Variants in MALRD1 observed in about 807,000 individuals in gnomAD.
The protein encoded by MALRD1 is MAM and LDL-receptor class A domain-containing protein 1.
In MALRD1, 247 loss-of-function variants were observed where a neutral mutation model predicts 242.1. That is an observed-to-expected ratio of 1.02 (90% CI 0.92 to 1.13). The LOEUF (loss-of-function observed/expected upper bound fraction) is 1.13. Ranked by LOEUF, MALRD1 falls within the 50% of genes most tolerant of loss-of-function variation. The pLI is 0.00. For missense variants in MALRD1, 2,989 were observed against 2,533.1 expected, an observed-to-expected ratio of 1.18 and a Z score of -3.86; for synonymous variants, 995 against 866.6, an observed-to-expected ratio of 1.15 and a Z score of -2.60.
chr10:19,725,744 A>G (rs1426166913), intron 38 of MALRD1, among the ~76,000 whole-genome samples: 2 of 152,238 alleles, frequency 1.3e-5, no homozygotes, highest in Admixed American at 6.5e-5. Context: ...GAACAGACAT[A>G]TAGATCAATT....
At chr10:19,272,088 A>G (rs1025498707) in intron 19 of MALRD1, among the ~76,000 whole-genome samples, 22 of 152,134 alleles carry the variant, frequency 1.4e-4, no homozygotes, top group Middle Eastern at 3.2e-3. Context: ...GGCTATTTAT[A>G]TAAATTAGAT....
chr10:19,094,509 T>C (rs371481581), intron 4 of MALRD1, among the ~76,000 whole-genome samples: 2 of 150,474 alleles, frequency 1.3e-5, no homozygotes, highest in Non-Finnish European at 3.0e-5. Context: ...CCTAGTGAGA[T>C]GAACCCGGTA....
chr10:19,064,253 C>T (rs1685307028), intron 1 of MALRD1, among the ~76,000 whole-genome samples: 1 of 152,132 alleles, frequency 6.6e-6, no homozygotes, highest in Non-Finnish European at 1.5e-5. Context: ...TTATATTGTC[C>T]AACTGTGGCG....
At chr10:19,419,377 C>T (rs189260577) in intron 28 of MALRD1, among the ~76,000 whole-genome samples, 1 of 152,294 alleles carries the variant, frequency 6.6e-6, no homozygotes, top group East Asian at 1.9e-4. Flanking sequence ...TCACTGTAAC[C>T]TCCACCTCCC....
intron 29 of MALRD1, among the ~76,000 whole-genome samples, chr10:19,455,379 A>G (rs1464762889): frequency 6.6e-6 from 1 of 152,222 alleles, no homozygotes; most frequent in East Asian, 1.9e-4. Context: ...GGAGCTTACT[A>G]TTAATACTAA....
chr10:19,311,485 A>G (rs1463974693), intron 21 of MALRD1, among the ~76,000 whole-genome samples: 1 of 151,444 alleles, frequency 6.6e-6, no homozygotes, highest in African/African-American at 2.4e-5. Flanking sequence ...ATGAACTGAA[A>G]GTATTCTAGT....
intron 21 of MALRD1, among the ~76,000 whole-genome samples, chr10:19,284,538 G>A (rs1841011724): frequency 6.6e-6 from 1 of 151,068 alleles, no homozygotes; most frequent in Non-Finnish European, 1.5e-5. Flanking sequence ...TACTGAGAAT[G>A]ATGGTTTCCA....
chr10:19,135,183 C>G (rs1223291977), intron 9 of MALRD1, among the ~76,000 whole-genome samples: 1 of 152,108 alleles, frequency 6.6e-6, no homozygotes, highest in Non-Finnish European at 1.5e-5. Flanking sequence ...GAAATGGAGT[C>G]TTGCTCTGTC....
chr10:19,194,970 C>A (rs11008881), intron 14 of MALRD1, among the ~76,000 whole-genome samples: 25,404 of 152,006 alleles, frequency 0.17, 2,299 homozygotes, highest in Non-Finnish European at 0.2. Flanking sequence ...TCCAGAAATA[C>A]ATTCACAAGT....
chr10:19,049,093 G>T lies in MALRD1; in HGVS notation c.155G>T (p.Cys52Phe). The change falls in exon 1 of 40, where the codon TGT becomes TTT. Residue 52 changes from cysteine (C) to phenylalanine (F), a missense_variant. Cys to Phe is a radical substitution (Grantham distance 205). Coordinates refer to ENST00000454679, the MANE Select transcript of MALRD1 (RefSeq NM_001142308.3). ...GTCTCCTTGCCTCCTGACAGCATTT[G>T]TGACTTCACAGATCAGTGTGGGGAT... ...NGVSLPPDSI[C>F]DFTDQCGDSS... is the part of the protein sequence containing the mutation. 8.1e-7 allele frequency: 1 copy of T among 1,233,910 alleles called. No homozygotes were observed. Among genetic ancestry groups the T allele is most frequent in the Non-Finnish European group, 1.0e-6 (1 of 988,142 alleles). 76.4% of individuals were successfully genotyped at this position (1,233,910 alleles called of 1,614,324 possible).
chr10:19,624,712 A>G (rs1839566331), intron 36 of MALRD1, among the ~76,000 whole-genome samples: 1 of 151,862 alleles, frequency 6.6e-6, no homozygotes, highest in Non-Finnish European at 1.5e-5. Flanking sequence ...CTAAAAATAC[A>G]AAAATTAGCC....
intron 36 of MALRD1, among the ~76,000 whole-genome samples, chr10:19,644,923 G>A (rs1240333539): frequency 6.6e-6 from 1 of 152,124 alleles, no homozygotes; most frequent in Non-Finnish European, 1.5e-5. Flanking sequence ...TAAATCTATT[G>A]TCCATGTGGA....
intron 18 of MALRD1, among the ~76,000 whole-genome samples, chr10:19,238,203 T>TTA (rs555807815): frequency 1.6e-5 from 1 of 63,450 alleles, no homozygotes. Context: ...ATAATATATA[T>TTA]TATATATATG....
rs965981200 is a variant in MALRD1, at chr10:19,203,808, T to C, written c.2032T>C (p.Ser678Pro). Residue 678 changes from serine (S) to proline (P), a missense_variant, in exon 15 of 40, where the codon TCT (serine) becomes CCT (proline). By Grantham distance (74) the Ser-to-Pro change is moderately conservative (BLOSUM62 -1). Transcript: ENST00000454679. Reference protein sequence around the residue: ...SGDHFDWIRSSQSELSADFEH... With the variant: ...SGDHFDWIRSPQSELSADFEH... ...TGACCATTTTGACTGGATACGGAGC[T>C]CTCAGAGTGAACTTTCTGCTGATTT... 6 of 1,550,554 alleles carry C rather than the reference T, an allele frequency of 3.9e-6. No individual in the cohort carries two copies. The highest frequency in any genetic ancestry group is 4.4e-6 in the Non-Finnish European group (5 of 1,146,950).
At chr10:19,237,987 G>GAA (rs1262520323) in intron 18 of MALRD1, among the ~76,000 whole-genome samples, 6,153 of 44,502 alleles carry the variant, frequency 0.14, 681 homozygotes, top group Middle Eastern at 0.25. Context: ...ATAATTATAT[G>GAA]TAATTTTATA....
rs76982358 is a variant in MALRD1, at chr10:19,203,268, T to A, written c.1952-460T>A. Reference sequence around the variant, plus strand: ...TATTAAGCTCTATGAAAATCTGGGGTACACATTGTATTAAATATAGTGTAT... The same window carrying A: ...TATTAAGCTCTATGAAAATCTGGGGAACACATTGTATTAAATATAGTGTAT... On this transcript the variant is annotated intron_variant, in intron 14 of 39. Transcript: ENST00000454679. Among the ~76,000 whole-genome samples the A allele has an allele frequency of 4.5e-3, 691 of 152,302 alleles. 6 individuals are homozygous for A. The highest frequency in any genetic ancestry group is 0.016 in the African/African-American group (651 of 41,568).
chr10:19,374,149 A>G (rs571004641), intron 26 of MALRD1, among the ~76,000 whole-genome samples: 1 of 152,352 alleles, frequency 6.6e-6, no homozygotes, highest in Non-Finnish European at 1.5e-5. Context: ...TAGTCTGCAT[A>G]TATAAATACA....
At chr10:19,717,776 G>T (rs1332176699) in intron 38 of MALRD1, among the ~76,000 whole-genome samples, 6 of 151,950 alleles carry the variant, frequency 3.9e-5, no homozygotes, top group Non-Finnish European at 7.4e-5. Context: ...CAGCACTTTG[G>T]TAGGCCAAGA....
At chr10:19,109,197 C>A (rs752250558) in intron 5 of MALRD1, among the ~76,000 whole-genome samples, 1 of 152,092 alleles carries the variant, frequency 6.6e-6, no homozygotes, top group Non-Finnish European at 1.5e-5. Flanking sequence ...GACAAGCTTC[C>A]CCACTGGGGG....
Sources: allele counts gnomAD v4.1 joint callset (sites outside exome capture counted in the v4.1 genomes callset), GRCh38; gene constraint gnomAD v4.1.1; transcripts MANE v1.5; gene names NCBI Gene and HGNC (gene_info 2026-07-23, HGNC 2026-07-21).